The following RGL1 variants were observed in gnomAD, a reference collection of about 807,000 sequenced individuals.
RGL1 encodes the protein ral guanine nucleotide dissociation stimulator-like 1.
In RGL1, 24 loss-of-function variants were observed where a neutral mutation model predicts 95.2. The observed-to-expected ratio is 0.25, with a 90% CI of 0.18 to 0.35. The LOEUF is 0.35. Ranked by LOEUF, RGL1 falls within the 10% of genes least tolerant of loss-of-function variation. The pLI, the probability that RGL1 is intolerant of heterozygous loss-of-function variation, is 1.00. For missense variants in RGL1, 715 were observed against 936.3 expected, an observed-to-expected ratio of 0.76 and a Z score of 3.08; for synonymous variants, 329 against 344.9, an observed-to-expected ratio of 0.95 and a Z score of 0.51.
At chr1:183,707,709 G>A (rs888467115) in intron 1 of RGL1, among the ~76,000 whole-genome samples, 3 of 152,050 alleles carry the variant, frequency 2.0e-5, no homozygotes, top group South Asian at 2.1e-4. Context: ...AGGAGGGGAC[G>A]GTGTAGAAAA....
At chr1:183,849,842 A>AT (rs1207237134) in intron 3 of RGL1, among the ~76,000 whole-genome samples, 2 of 152,086 alleles carry the variant, frequency 1.3e-5, no homozygotes, top group Non-Finnish European at 2.9e-5. Flanking sequence ...TTGAATATAT[A>AT]TCTTCGGAAT....
intron 3 of RGL1, among the ~76,000 whole-genome samples, chr1:183,848,230 A>G (rs1054638974): frequency 6.6e-6 from 1 of 152,184 alleles, no homozygotes; most frequent in East Asian, 1.9e-4. Context: ...GATGATGATG[A>G]TAACTATTAA....
chr1:183,919,428 CA>C (rs1362177404), intron 16 of RGL1, among the ~76,000 whole-genome samples: 1 of 152,132 alleles, frequency 6.6e-6, no homozygotes, highest in African/African-American at 2.4e-5. Flanking sequence ...AATACCTATG[CA>C]AATGTCAACA....
intron 1 of RGL1, among the ~76,000 whole-genome samples, chr1:183,696,695 A>C (rs1654271690): frequency 6.6e-6 from 1 of 152,202 alleles, no homozygotes; most frequent in Admixed American, 6.6e-5. Context: ...CTCATGTTCA[A>C]AAACAAAACC....
Position 183,847,691 on chromosome 1 carries a change from T to C in RGL1, c.264T>C (p.Asn88=). 6.2e-7 allele frequency: 1 copy of C among 1,614,130 alleles called. No homozygotes were observed. The highest frequency in any genetic ancestry group is 8.5e-7 in the Non-Finnish European group (1 of 1,179,968). Residue 88 remains asparagine, a synonymous_variant, in exon 3 of 18, where the codon AAT becomes AAC. Coordinates refer to ENST00000360851, the MANE Select transcript of RGL1 (RefSeq NM_001297671.3). ...ACCTGCTGACAGCTTTTGGGGACAA[T>C]GACTTTACCTATATCAGCATCTTTC... ...VENLLTAFGD[N]DFTYISIFLS... is the part of the protein sequence containing the mutation.
At chr1:183,823,914 A>T (rs1445366441) in intron 2 of RGL1, among the ~76,000 whole-genome samples, 4 of 152,082 alleles carry the variant, frequency 2.6e-5, no homozygotes, top group Non-Finnish European at 5.9e-5. Context: ...AGCCTCCTGG[A>T]TGGCTAGGAC....
intron 4 of RGL1, among the ~76,000 whole-genome samples, chr1:183,875,541 T>C (rs1314562358): frequency 6.6e-6 from 1 of 152,136 alleles, no homozygotes; most frequent in South Asian, 2.1e-4. Context: ...TCTAATGTCT[T>C]CTAAGCAGGT....
At chr1:183,762,191 C>T (rs548618499) in intron 2 of RGL1, among the ~76,000 whole-genome samples, 4 of 152,240 alleles carry the variant, frequency 2.6e-5, no homozygotes, top group Non-Finnish European at 4.4e-5. Flanking sequence ...CCATTTGGCA[C>T]AAGAGGCTTA....
chr1:183,916,391 A>G (rs1376745882), intron 15 of RGL1, 56 bp from the exon 16 acceptor site: 1 of 1,592,152 alleles, frequency 6.3e-7, no homozygotes, highest in African/African-American at 1.3e-5. Flanking sequence ...GAAAATTGCA[A>G]AGCTGTTGGC....
chr1:183,684,743 C>T (rs1653459616), intron 1 of RGL1, among the ~76,000 whole-genome samples: 1 of 152,214 alleles, frequency 6.6e-6, no homozygotes, highest in East Asian at 1.9e-4. Flanking sequence ...ATCTCCTGGT[C>T]TGTGGGTTCC....
intron 2 of RGL1, among the ~76,000 whole-genome samples, chr1:183,744,059 G>A (rs1657471998): frequency 6.6e-6 from 1 of 152,166 alleles, no homozygotes. Flanking sequence ...GCAAAGCTGT[G>A]GGAGAGAGGA....
At chr1:183,707,078 A>T (rs2102160371) in intron 1 of RGL1, among the ~76,000 whole-genome samples, 1 of 152,240 alleles carries the variant, frequency 6.6e-6, no homozygotes. Context: ...TGAGTCCTGT[A>T]AGGAGACACA....
intron 1 of RGL1, among the ~76,000 whole-genome samples, chr1:183,689,645 G>A (rs1653824475): frequency 6.6e-6 from 1 of 152,148 alleles, no homozygotes; most frequent in African/African-American, 2.4e-5. Context: ...CATATAGTAA[G>A]AACTTAATAA....
At chr1:183,636,967 T>A (rs1202234353) in intron 1 of RGL1, among the ~76,000 whole-genome samples, 3 of 152,242 alleles carry the variant, frequency 2.0e-5, no homozygotes, top group Non-Finnish European at 4.4e-5. Flanking sequence ...GCTGTTGCCC[T>A]GTTGTGTACC....
chr1:183,877,645 C>T (rs747416611), intron 4 of RGL1, among the ~76,000 whole-genome samples: 30 of 152,304 alleles, frequency 2.0e-4, no homozygotes, highest in Non-Finnish European at 3.8e-4. Flanking sequence ...TCTGTTTCTT[C>T]GTCCTCCTCC....
chr1:183,828,966 G>T (rs1437362163), intron 2 of RGL1, among the ~76,000 whole-genome samples: 1 of 152,164 alleles, frequency 6.6e-6, no homozygotes, highest in African/African-American at 2.4e-5. Flanking sequence ...CTTTACTTCA[G>T]TCATGGTTTA....
chr1:183,654,286 C>T (rs1283159572), intron 1 of RGL1, among the ~76,000 whole-genome samples: 1 of 152,176 alleles, frequency 6.6e-6, no homozygotes. Context: ...CTTGCTCTGG[C>T]ACATGGTCAC....
chr1:183,675,424 G>C (rs754002371), intron 1 of RGL1, among the ~76,000 whole-genome samples: 46 of 85,562 alleles, frequency 5.4e-4, no homozygotes, highest in Admixed American at 9.5e-4. Context: ...TCTCTCTTTT[G>C]GTATCTTGGA....
At chr1:183,684,905 TCCATGGGCTGCAC>T (rs1352049036) in intron 1 of RGL1, among the ~76,000 whole-genome samples, 1 of 152,116 alleles carries the variant, frequency 6.6e-6, no homozygotes, top group Non-Finnish European at 1.5e-5. Flanking sequence ...CGGCTCACCC[TCCATGGGCTGCAC>T]CCACTGTCTA....
Sources: gnomAD v4.1 joint callset for allele counts (sites outside exome capture counted in the v4.1 genomes callset) on GRCh38, gnomAD v4.1.1 for gene constraint, MANE v1.5 for transcripts, NCBI Gene and HGNC (gene_info 2026-07-23, HGNC 2026-07-21) for gene names.